The following MAML3 variants were observed in gnomAD, a reference collection of about 807,000 sequenced individuals.
MAML3 encodes the protein mastermind like transcriptional coactivator 3, also known as mastermind-like protein 3.
In MAML3, 27 loss-of-function variants were observed where a neutral mutation model predicts 101.9. The observed-to-expected ratio is 0.27, with a 90% confidence interval of 0.20 to 0.37. The LOEUF is 0.37. Among genes scored for constraint, MAML3 ranks in the 10% least tolerant of loss-of-function variants. The pLI is 1.00. For synonymous variants in MAML3, 501 were observed against 555.9 expected, an observed-to-expected ratio of 0.90 and a Z score of 1.39; for missense variants, 1,316 against 1,444.9, an observed-to-expected ratio of 0.91 and a Z score of 1.45.
At chr4:139,912,474 T>C (rs1233171316) in intron 1 of MAML3, among the ~76,000 whole-genome samples, 1 of 152,224 alleles carries the variant, frequency 6.6e-6, no homozygotes, top group Non-Finnish European at 1.5e-5. Flanking sequence ...CTAGGCACTG[T>C]TGTGGGTTAA....
rs148830692 is a variant in MAML3, at chr4:139,789,274, G to C, written c.2080-58607C>G. On this transcript the variant is annotated intron_variant, in intron 2 of 4. Coordinates refer to ENST00000509479, the MANE Select transcript of MAML3 (RefSeq NM_018717.5). Reference sequence around the variant, plus strand: ...GCAGAATGTGGCAAGCATCTTAAAAGAGGAACTCACAGTGTTCCACGGAAA... The same window carrying C: ...GCAGAATGTGGCAAGCATCTTAAAACAGGAACTCACAGTGTTCCACGGAAA... Among the ~76,000 whole-genome samples, 403 of 152,286 alleles carry C rather than the reference G, an allele frequency of 2.6e-3. 4 individuals are homozygous for C. Among genetic ancestry groups the C allele is most frequent in the Admixed American group, 3.8e-3 (58 of 15,300 alleles).
chr4:140,123,608 A>C (rs1350051244), intron 1 of MAML3, among the ~76,000 whole-genome samples: 1 of 152,210 alleles, frequency 6.6e-6, no homozygotes, highest in African/African-American at 2.4e-5. Flanking sequence ...GCCACAGAAA[A>C]AAAGTACAGC....
At chr4:140,042,715 G>A (rs947073134) in intron 1 of MAML3, among the ~76,000 whole-genome samples, 1 of 152,204 alleles carries the variant, frequency 6.6e-6, no homozygotes, top group African/African-American at 2.4e-5. Flanking sequence ...CAGGGGCCAT[G>A]TGACAAGACA....
chr4:139,806,226 A>G (rs908813943), intron 2 of MAML3, among the ~76,000 whole-genome samples: 25 of 152,144 alleles, frequency 1.6e-4, no homozygotes, highest in African/African-American at 5.8e-4. Flanking sequence ...AAGCTAGGAC[A>G]AAATATTGGC....
chr4:140,042,444 C>T (rs531413494), intron 1 of MAML3, among the ~76,000 whole-genome samples: 1 of 152,158 alleles, frequency 6.6e-6, no homozygotes, highest in African/African-American at 2.4e-5. Flanking sequence ...ACCATCCTGG[C>T]TAACATGGTG....
chr4:139,757,892 C>A (rs1729684826), intron 2 of MAML3, among the ~76,000 whole-genome samples: 1 of 152,208 alleles, frequency 6.6e-6, no homozygotes, highest in Middle Eastern at 3.4e-3. Context: ...AGTATCACAC[C>A]CAGGAAGCCC....
At chr4:139,882,321 AT>A (rs897751808) in intron 2 of MAML3, among the ~76,000 whole-genome samples, 4 of 150,888 alleles carry the variant, frequency 2.7e-5, no homozygotes, top group Non-Finnish European at 4.4e-5. Flanking sequence ...ACAATTCCAG[AT>A]TTTTTTTTTA....
intron 1 of MAML3, among the ~76,000 whole-genome samples, chr4:140,098,015 C>T (rs574589660): frequency 7.2e-5 from 11 of 152,304 alleles, no homozygotes; most frequent in Admixed American, 3.3e-4. Flanking sequence ...TTCTCCACTA[C>T]GAAGTATTAG....
chr4:140,062,205 A>G (rs1025110544), intron 1 of MAML3, among the ~76,000 whole-genome samples: 1 of 152,188 alleles, frequency 6.6e-6, no homozygotes, highest in African/African-American at 2.4e-5. Context: ...TTTGAGTAAC[A>G]TACCTTCAGA....
At chr4:139,743,262 G>A (rs1729220300) in intron 2 of MAML3, among the ~76,000 whole-genome samples, 1 of 152,208 alleles carries the variant, frequency 6.6e-6, no homozygotes, top group Non-Finnish European at 1.5e-5. Context: ...AGAACAGGAG[G>A]GGCAGGGTGA....
intron 2 of MAML3, among the ~76,000 whole-genome samples, chr4:139,888,165 A>G (rs1033749224): frequency 1.6e-4 from 25 of 151,906 alleles, no homozygotes; most frequent in Admixed American, 1.4e-3. Context: ...AGCTCCATCA[A>G]GCTTGGGGTT....
chr4:140,153,370 C>A lies in MAML3; in HGVS notation c.-43G>T. On this transcript the variant is annotated 5_prime_UTR_variant, in exon 1 of 5. Transcript: ENST00000509479. ...CTATTTTGGAAGAACTTTTTTTATC[C>A]ACCCCCCTATCAGCCTCCTCCTTGG... The A allele has an allele frequency of 3.3e-6, 5 of 1,519,278 alleles. No individual in the cohort carries two copies. The highest frequency in any genetic ancestry group is 4.4e-6 in the Non-Finnish European group (5 of 1,134,564). The allele number at this position is 1,519,278 out of a possible 1,614,324, so 94.1% of individuals were successfully genotyped here.
intron 1 of MAML3, among the ~76,000 whole-genome samples, chr4:139,992,520 T>G (rs1307159817): frequency 6.6e-6 from 1 of 152,120 alleles, no homozygotes; most frequent in Admixed American, 6.5e-5. Flanking sequence ...TGTTATTGTG[T>G]GTCTTTTTTT....
At chr4:140,072,045 G>A (rs761102036) in intron 1 of MAML3, among the ~76,000 whole-genome samples, 2 of 152,088 alleles carry the variant, frequency 1.3e-5, no homozygotes, top group Non-Finnish European at 2.9e-5. Context: ...CCTCAACATT[G>A]GTTTGTCACC....
At chr4:139,863,881 G>C (rs1352616394) in intron 2 of MAML3, among the ~76,000 whole-genome samples, 1 of 131,152 alleles carries the variant, frequency 7.6e-6, no homozygotes, top group Non-Finnish European at 1.6e-5. Context: ...TGACATGGGA[G>C]GGGAATATAT....
chr4:139,804,810 G>A (rs561198417), intron 2 of MAML3, among the ~76,000 whole-genome samples: 29 of 152,300 alleles, frequency 1.9e-4, no homozygotes, highest in African/African-American at 7.0e-4. Context: ...CTGGGCTAAG[G>A]TCTGAAGTGT....
intron 2 of MAML3, among the ~76,000 whole-genome samples, chr4:139,748,188 C>T (rs1029763399): frequency 2.0e-5 from 3 of 152,028 alleles, no homozygotes; most frequent in African/African-American, 7.2e-5. Flanking sequence ...TCTAAGAGGG[C>T]CTCCATCTCT....
At chr4:140,009,366 C>G (rs983416299) in intron 1 of MAML3, among the ~76,000 whole-genome samples, 1 of 152,188 alleles carries the variant, frequency 6.6e-6, no homozygotes, top group Non-Finnish European at 1.5e-5. Context: ...CGCTGCCCTC[C>G]CATTCACAGA....
chr4:140,072,873 A>C (rs1218882101), intron 1 of MAML3, among the ~76,000 whole-genome samples: 1 of 152,158 alleles, frequency 6.6e-6, no homozygotes, highest in African/African-American at 2.4e-5. Flanking sequence ...ACGCTGCATG[A>C]AGTTGCCACT....
Sources: allele counts gnomAD v4.1 joint callset (sites outside exome capture counted in the v4.1 genomes callset), GRCh38; gene constraint gnomAD v4.1.1; transcripts MANE v1.5; gene names NCBI Gene and HGNC (gene_info 2026-07-23, HGNC 2026-07-21).